Variants in OLFM2 observed in about 807,000 individuals in gnomAD.
The protein encoded by OLFM2 is noelin-2.
OLFM2 carries 20 observed loss-of-function variants against 43.9 expected under a neutral mutation model. The observed-to-expected ratio is 0.46, with a 90% CI of 0.32 to 0.66. The LOEUF (loss-of-function observed/expected upper bound fraction) is 0.66, where lower values mean the gene tolerates loss of function less well. Among genes scored for constraint, OLFM2 ranks in the 30% least tolerant of loss-of-function variants. The pLI, the probability that OLFM2 is intolerant of heterozygous loss-of-function variation, is 0.04. For synonymous variants in OLFM2, 268 were observed against 278.6 expected, an observed-to-expected ratio of 0.96 and a Z score of 0.38; for missense variants, 416 against 643.6, an observed-to-expected ratio of 0.65 and a Z score of 3.83.
At chr19:9,905,256 G>A (rs540877309) in intron 1 of OLFM2, among the ~76,000 whole-genome samples, 3 of 152,250 alleles carry the variant, frequency 2.0e-5, no homozygotes, top group Non-Finnish European at 4.4e-5. Context: ...AGGAGATTGA[G>A]ACCATCATGG....
At position 9,854,188 on chromosome 19, in the gene OLFM2, A is replaced by C. The variant is rs1273552295; in HGVS notation, c.1363T>G (p.Ter455GlyextTer130). Residue 455 changes from the stop codon to glycine, a stop_lost, in exon 6 of 6, where the codon TGA becomes GGA. Transcript: ENST00000264833. The surrounding 1 kb of genome is among the most constrained non-coding windows in gnomAD (Gnocchi z 9.5). ...GCAGCCCGAGCCACAGCATTGGCTC[A>C]GGGGTCCCCAGAGGTGCTGATGACG... is the stretch of plus-strand genomic sequence containing the variant. The part of the protein sequence containing the change: ...FHVISTSGDP[*>G] The C allele has an allele frequency of 6.2e-7, 1 of 1,613,904 alleles. No homozygotes were observed. The highest frequency in any genetic ancestry group is 8.5e-7 in the Non-Finnish European group (1 of 1,179,956).
chr19:9,906,994 C>T (rs1260476390), intron 1 of OLFM2, among the ~76,000 whole-genome samples: 1 of 152,124 alleles, frequency 6.6e-6, no homozygotes, highest in African/African-American at 2.4e-5. Flanking sequence ...AGAGGGACGC[C>T]CTCCTGAGTG....
At chr19:9,885,317 G>C (rs1435181797) in intron 1 of OLFM2, among the ~76,000 whole-genome samples, 1 of 152,188 alleles carries the variant, frequency 6.6e-6, no homozygotes, top group Non-Finnish European at 1.5e-5. Context: ...TGTCAGAGGA[G>C]CCCCAGTGCC....
chr19:9,876,993 G>A (rs1035655409), intron 1 of OLFM2, among the ~76,000 whole-genome samples: 4 of 152,066 alleles, frequency 2.6e-5, no homozygotes, highest in South Asian at 2.1e-4. Context: ...ACTTTGGGAG[G>A]TCAAGGGGGG....
At chr19:9,907,324 G>A (rs895662864) in intron 1 of OLFM2, among the ~76,000 whole-genome samples, 40 of 152,146 alleles carry the variant, frequency 2.6e-4, no homozygotes, top group African/African-American at 4.1e-4. Flanking sequence ...GCAGGGTGGC[G>A]CACACCTGTA....
At chr19:9,880,637 G>A (rs894081033) in intron 1 of OLFM2, among the ~76,000 whole-genome samples, 1 of 152,100 alleles carries the variant, frequency 6.6e-6, no homozygotes, top group African/African-American at 2.4e-5. Flanking sequence ...AAGAGGAGAT[G>A]AAGACACACA....
chr19:9,874,473 G>A (rs563870437), intron 1 of OLFM2, among the ~76,000 whole-genome samples: 11 of 151,186 alleles, frequency 7.3e-5, no homozygotes, highest in Non-Finnish European at 1.5e-5. Context: ...AGCCACCACC[G>A]GCTTTTATTT....
At chr19:9,907,131 C>T (rs1390729277) in intron 1 of OLFM2, among the ~76,000 whole-genome samples, 1 of 152,210 alleles carries the variant, frequency 6.6e-6, no homozygotes. Context: ...GGTCCAGACA[C>T]TGCCAATGCC....
At chr19:9,901,885 GA>G (rs1275536536) in intron 1 of OLFM2, among the ~76,000 whole-genome samples, 2 of 152,190 alleles carry the variant, frequency 1.3e-5, no homozygotes, top group Non-Finnish European at 2.9e-5. Context: ...TGCATTAGAG[GA>G]TATGTATGTC....
chr19:9,884,394 G>A (rs1438965157), intron 1 of OLFM2, among the ~76,000 whole-genome samples: 2 of 151,874 alleles, frequency 1.3e-5, no homozygotes, highest in Non-Finnish European at 2.9e-5. Context: ...TGGCCAACAT[G>A]GTGAAATCCC....
At chr19:9,882,206 C>T (rs1372183930) in intron 1 of OLFM2, among the ~76,000 whole-genome samples, 1 of 150,962 alleles carries the variant, frequency 6.6e-6, no homozygotes, top group East Asian at 2.0e-4. Flanking sequence ...CGCCACTGCA[C>T]TCCAGCCTGG....
chr19:9,898,071 ATT>A (rs35231898), intron 1 of OLFM2, among the ~76,000 whole-genome samples: 6 of 127,844 alleles, frequency 4.7e-5, no homozygotes, highest in Non-Finnish European at 6.4e-5. Flanking sequence ...TGCCCAGCTA[ATT>A]TTTTTTTTTT....
intron 1 of OLFM2, among the ~76,000 whole-genome samples, chr19:9,885,641 G>A (rs889626926): frequency 3.3e-5 from 5 of 152,166 alleles, no homozygotes; most frequent in Admixed American, 1.3e-4. Context: ...AATGACTGAT[G>A]CAGGGGTAAA....
At chr19:9,920,643 C>T (rs2086413523) in intron 1 of OLFM2, among the ~76,000 whole-genome samples, 1 of 151,860 alleles carries the variant, frequency 6.6e-6, no homozygotes, top group South Asian at 2.1e-4. Context: ...TGCCTGTAAT[C>T]CCAGCACTTT....
chr19:9,894,376 C>CAGTAATAATAATAAT (rs58964211), intron 1 of OLFM2, among the ~76,000 whole-genome samples: 10 of 118,296 alleles, frequency 8.5e-5, no homozygotes, highest in African/African-American at 1.6e-4. Context: ...GACTCTCTCT[C>CAGTAATAATAATAAT]AATAATAATA....
intron 1 of OLFM2, among the ~76,000 whole-genome samples, chr19:9,874,067 T>C (rs1184358067): frequency 6.6e-6 from 1 of 152,120 alleles, no homozygotes; most frequent in Non-Finnish European, 1.5e-5. Context: ...TACATAACCA[T>C]GATACACTTG....
intron 1 of OLFM2, among the ~76,000 whole-genome samples, chr19:9,877,587 A>C (rs2046502419): frequency 6.6e-6 from 1 of 152,036 alleles, no homozygotes; most frequent in African/African-American, 2.4e-5. Context: ...CAATAAAATA[A>C]AAATAAAAAA....
At chr19:9,925,889 C>G (rs945375283) in intron 1 of OLFM2, among the ~76,000 whole-genome samples, 2 of 151,508 alleles carry the variant, frequency 1.3e-5, no homozygotes, top group Admixed American at 1.3e-4. Context: ...AATCCTAGCA[C>G]TTTGGAAGGC....
At chr19:9,908,438 C>T (rs1298711027) in intron 1 of OLFM2, among the ~76,000 whole-genome samples, 19 of 144,048 alleles carry the variant, frequency 1.3e-4, no homozygotes, top group African/African-American at 5.0e-4. Flanking sequence ...GCTGGGATTA[C>T]AGGTGCCTGC....
Sources: gnomAD v4.1 joint callset for allele counts (sites outside exome capture counted in the v4.1 genomes callset) on GRCh38, gnomAD v4.1.1 for gene constraint, Gnocchi (gnomAD v3.1) non-coding constraint, MANE v1.5 for transcripts, NCBI Gene and HGNC (gene_info 2026-07-23, HGNC 2026-07-21) for gene names.